AMPH: variants seen among roughly 807,000 people sequenced by gnomAD.
AMPH encodes the protein amphiphysin (Stiff-Mann syndrome with breast cancer 128kD autoantigen).
A neutral mutation model predicts 99.1 loss-of-function variants in AMPH; 49 were observed. That is an observed-to-expected ratio of 0.49 (90% CI 0.39 to 0.63). The LOEUF (loss-of-function observed/expected upper bound fraction) is 0.63, where lower values mean the gene tolerates loss of function less well. Ranked by LOEUF, AMPH falls within the 20% of genes least tolerant of loss-of-function variation. The probability of loss-of-function intolerance (pLI) is 0.00; values close to 1 mark genes in which losing one functional copy is unlikely to be tolerated. For synonymous variants in AMPH, 314 were observed against 317.3 expected (o/e 0.99, Z 0.11); for missense variants, 759 against 863.4 (o/e 0.88, Z 1.52).
intron 1 of AMPH, among the ~76,000 whole-genome samples, chr7:38,551,670 G>A (rs530759045): frequency 1.7e-4 from 26 of 152,168 alleles, no homozygotes; most frequent in African/African-American, 5.3e-4. Context: ...CTTCCCCCAC[G>A]GCCCATGGAC....
chr7:38,591,854 T>G (rs1461104767), intron 1 of AMPH, among the ~76,000 whole-genome samples: 1 of 152,204 alleles, frequency 6.6e-6, no homozygotes, highest in Non-Finnish European at 1.5e-5. Context: ...CTGATGTCTT[T>G]CGCTGCACAT....
At chr7:38,604,934 T>C (rs1053152573) in intron 1 of AMPH, among the ~76,000 whole-genome samples, 2 of 152,238 alleles carry the variant, frequency 1.3e-5, no homozygotes, top group African/African-American at 4.8e-5. Flanking sequence ...ACTATCATTT[T>C]TATTCCCTCC....
intron 11 of AMPH, among the ~76,000 whole-genome samples, chr7:38,443,451 C>T (rs1786635816): frequency 6.6e-6 from 1 of 151,766 alleles, no homozygotes; most frequent in Non-Finnish European, 1.5e-5. Context: ...AATTCTAGAC[C>T]GAGCTTTAGC....
chr7:38,584,882 A>C (rs1792590415), intron 1 of AMPH, among the ~76,000 whole-genome samples: 1 of 152,224 alleles, frequency 6.6e-6, no homozygotes, highest in Admixed American at 6.5e-5. Flanking sequence ...GTGCAAGGGC[A>C]TATGTGTATT....
intron 3 of AMPH, among the ~76,000 whole-genome samples, chr7:38,500,445 TGCCAGA>T (rs1406170809): frequency 1.3e-5 from 2 of 152,196 alleles, no homozygotes; most frequent in African/African-American, 4.8e-5. Flanking sequence ...AGGTGCCGTC[TGCCAGA>T]AAGGCTTATC....
At chr7:38,460,187 T>C in intron 11 of AMPH, among the ~76,000 whole-genome samples, 1 of 151,990 alleles carries the variant, frequency 6.6e-6, no homozygotes, top group East Asian at 1.9e-4. Context: ...GAACAAAACA[T>C]AATAGATGCT....
chr7:38,453,178 T>C (rs1052098235), intron 11 of AMPH, among the ~76,000 whole-genome samples: 5 of 152,016 alleles, frequency 3.3e-5, no homozygotes, highest in Non-Finnish European at 5.9e-5. Flanking sequence ...AAGAAAACAA[T>C]ATAAATAAGG....
chr7:38,545,337 C>T (rs933988805), intron 1 of AMPH, among the ~76,000 whole-genome samples: 12 of 152,126 alleles, frequency 7.9e-5, no homozygotes, highest in East Asian at 3.9e-4. Context: ...AGGGTGGATC[C>T]GGCTTTACAC....
chr7:38,400,589 T>A (rs993554211), intron 17 of AMPH, among the ~76,000 whole-genome samples: 1 of 152,212 alleles, frequency 6.6e-6, no homozygotes, highest in African/African-American at 2.4e-5. Flanking sequence ...AACTAGCCAG[T>A]CCTGCTATGA....
intron 2 of AMPH, among the ~76,000 whole-genome samples, chr7:38,515,878 C>A (rs1789720030): frequency 6.6e-6 from 1 of 152,186 alleles, no homozygotes; most frequent in Non-Finnish European, 1.5e-5. Flanking sequence ...GAGCAAAGGT[C>A]ATTTGTGTAA....
At chr7:38,408,727 G>A (rs1294164974) in intron 17 of AMPH, among the ~76,000 whole-genome samples, 3 of 141,284 alleles carry the variant, frequency 2.1e-5, no homozygotes, top group Non-Finnish European at 4.5e-5. Context: ...CTTCAGCCTG[G>A]GTGACAGAGC....
intron 1 of AMPH, among the ~76,000 whole-genome samples, chr7:38,582,316 T>C (rs1310895712): frequency 6.6e-6 from 1 of 152,154 alleles, no homozygotes; most frequent in African/African-American, 2.4e-5. Flanking sequence ...ACTGATGACC[T>C]TGACAGCAGT....
chr7:38,522,449 G>A lies in AMPH; in HGVS notation c.150+12482C>T, dbSNP rs1423115500. On this transcript the variant is annotated intron_variant, in intron 2 of 20. Coordinates refer to ENST00000356264, the MANE Select transcript of AMPH (RefSeq NM_001635.4). ...GCGGGATACTTCCTGTGATGCACAG[G>A]CAGAGTGAGTGAGTATAGCGGGGAG... Among the ~76,000 whole-genome samples, 8 of 152,172 alleles carry A rather than the reference G, an allele frequency of 5.3e-5. No individual in the cohort carries two copies. In the East Asian group the frequency reaches 1.5e-3, roughly 29 times the overall value.
At chr7:38,579,477 T>C (rs569304928) in intron 1 of AMPH, among the ~76,000 whole-genome samples, 1 of 152,332 alleles carries the variant, frequency 6.6e-6, no homozygotes, top group East Asian at 1.9e-4. Flanking sequence ...AAATCCTAAG[T>C]TGCTTTACAA....
chr7:38,472,620 A>C (rs1257853134), intron 7 of AMPH, among the ~76,000 whole-genome samples: 3 of 152,212 alleles, frequency 2.0e-5, no homozygotes, highest in African/African-American at 7.2e-5. Context: ...TACACAATGC[A>C]CACAATTATT....
chr7:38,531,503 T>TA (rs1279157300), intron 2 of AMPH, among the ~76,000 whole-genome samples: 3 of 152,118 alleles, frequency 2.0e-5, no homozygotes, highest in African/African-American at 4.8e-5. Flanking sequence ...AAGGAAAACT[T>TA]AGAGTTGGAA....
intron 11 of AMPH, among the ~76,000 whole-genome samples, chr7:38,437,168 T>C (rs570907605): frequency 2.2e-4 from 33 of 152,288 alleles, no homozygotes; most frequent in Non-Finnish European, 4.1e-4. Flanking sequence ...TTATTTGTGG[T>C]ATCATAATAC....
At chr7:38,467,626 C>G (rs2129010977) in intron 7 of AMPH, among the ~76,000 whole-genome samples, 1 of 133,254 alleles carries the variant, frequency 7.5e-6, no homozygotes, top group East Asian at 2.1e-4. Context: ...TCTATTTATA[C>G]TTACAATGGA....
chr7:38,575,210 G>A (rs886864532), intron 1 of AMPH, among the ~76,000 whole-genome samples: 1 of 151,756 alleles, frequency 6.6e-6, no homozygotes, highest in Admixed American at 6.6e-5. Context: ...TGGGCACTGG[G>A]GATATAGTAC....
Sources: gnomAD v4.1 joint callset for allele counts (sites outside exome capture counted in the v4.1 genomes callset) on GRCh38, gnomAD v4.1.1 for gene constraint, MANE v1.5 for transcripts, NCBI Gene and HGNC (gene_info 2026-07-23, HGNC 2026-07-21) for gene names.